Variants in AMPH observed in about 807,000 individuals in gnomAD.
The protein encoded by AMPH is amphiphysin, also known as amphiphysin (Stiff-Mann syndrome with breast cancer 128kD autoantigen).
In AMPH, 49 loss-of-function variants were observed where a neutral mutation model predicts 99.1. The ratio of observed to expected loss-of-function variants is 0.49; its 90% confidence interval spans 0.39 to 0.63. The LOEUF (loss-of-function observed/expected upper bound fraction) is 0.63, where lower values mean the gene tolerates loss of function less well. AMPH is among the 20% of genes least tolerant of loss of function. The pLI, the probability that AMPH is intolerant of heterozygous loss-of-function variation, is 0.00. For synonymous variants in AMPH, 314 were observed against 317.3 expected (o/e 0.99, Z 0.11); for missense variants, 759 against 863.4 (o/e 0.88, Z 1.52).
At chr7:38,397,392 A>G (rs1784701242) in intron 17 of AMPH, among the ~76,000 whole-genome samples, 2 of 152,194 alleles carry the variant, frequency 1.3e-5, no homozygotes, top group Admixed American at 6.5e-5. Context: ...ATATCTATCA[A>G]TTTGGTTGTA....
intron 11 of AMPH, among the ~76,000 whole-genome samples, chr7:38,444,717 G>T (rs1786690190): frequency 6.6e-6 from 1 of 151,780 alleles, no homozygotes; most frequent in Non-Finnish European, 1.5e-5. Context: ...TTTGTGGGGG[G>T]TTTTGTATTT....
intron 2 of AMPH, among the ~76,000 whole-genome samples, chr7:38,521,366 C>T (rs1163054391): frequency 6.6e-6 from 1 of 152,038 alleles, no homozygotes; most frequent in Admixed American, 6.5e-5. Flanking sequence ...ACCAAAAACA[C>T]AAAAATTAGT....
intron 5 of AMPH, among the ~76,000 whole-genome samples, chr7:38,478,262 G>C (rs1004114563): frequency 1.3e-5 from 2 of 152,090 alleles, no homozygotes; most frequent in African/African-American, 4.8e-5. Context: ...GCCACACTGA[G>C]AGAAACCCTC....
At position 38,402,788 on chromosome 7, in the gene AMPH, T is replaced by C. The variant is rs186168013; in HGVS notation, c.1399-8574A>G. ...TCAGGTATTATGCGTCAAGGATCCA[T>C]TTATACTTTGTTTTATGGAAAATTA... On this transcript the variant is annotated intron_variant, in intron 17 of 20. Transcript: ENST00000356264. Among the ~76,000 whole-genome samples the C allele has an allele frequency of 5.0e-3, 768 of 152,346 alleles. 6 individuals are homozygous for C. Among genetic ancestry groups the C allele is most frequent in the African/African-American group, 0.013 (524 of 41,588 alleles).
chr7:38,397,609 T>C (rs1784707597), intron 17 of AMPH, among the ~76,000 whole-genome samples: 1 of 152,180 alleles, frequency 6.6e-6, no homozygotes, highest in African/African-American at 2.4e-5. Context: ...TGGGTAAAGA[T>C]TTCTTGAGTA....
intron 17 of AMPH, among the ~76,000 whole-genome samples, chr7:38,406,463 G>A (rs944965213): frequency 1.3e-5 from 2 of 152,232 alleles, no homozygotes; most frequent in Non-Finnish European, 1.5e-5. Context: ...AAAATTTATA[G>A]ACTGCTATAA....
chr7:38,534,330 T>A (rs1477577928), intron 2 of AMPH, among the ~76,000 whole-genome samples: 1 of 152,144 alleles, frequency 6.6e-6, no homozygotes, highest in Middle Eastern at 3.2e-3. Context: ...TTCAATGAAA[T>A]ATAAATCTTC....
chr7:38,572,358 T>C (rs989718033), intron 1 of AMPH, among the ~76,000 whole-genome samples: 5 of 152,224 alleles, frequency 3.3e-5, no homozygotes, highest in African/African-American at 1.2e-4. Context: ...CAGGCTATGC[T>C]ATACAGCCCT....
intron 2 of AMPH, among the ~76,000 whole-genome samples, chr7:38,527,616 A>G (rs180757818): frequency 3.8e-4 from 58 of 152,250 alleles, no homozygotes; most frequent in Middle Eastern, 3.4e-3. Context: ...CACTGAACTC[A>G]TTTATCTGTT....
intron 1 of AMPH, among the ~76,000 whole-genome samples, chr7:38,596,816 G>T (rs1793075935): frequency 6.6e-6 from 1 of 152,064 alleles, no homozygotes; most frequent in Non-Finnish European, 1.5e-5. Flanking sequence ...TCAGGCCACT[G>T]CCAGCACCCT....
chr7:38,597,558 T>A (rs535727198), intron 1 of AMPH, among the ~76,000 whole-genome samples: 1 of 152,278 alleles, frequency 6.6e-6, no homozygotes, highest in South Asian at 2.1e-4. Flanking sequence ...CTGTATACAT[T>A]CCCCATGCTG....
At chr7:38,546,254 C>G (rs1477755122) in intron 1 of AMPH, among the ~76,000 whole-genome samples, 1 of 152,164 alleles carries the variant, frequency 6.6e-6, no homozygotes, top group African/African-American at 2.4e-5. Context: ...ATACTTCTCA[C>G]CAGCAGAACA....
chr7:38,409,701 G>A (rs1437671702), intron 17 of AMPH, among the ~76,000 whole-genome samples: 2 of 152,058 alleles, frequency 1.3e-5, no homozygotes, highest in Non-Finnish European at 2.9e-5. Context: ...TCAGCAGCCG[G>A]GTCCCAGAGC....
At chr7:38,593,946 G>A (rs537322958) in intron 1 of AMPH, among the ~76,000 whole-genome samples, 4 of 152,282 alleles carry the variant, frequency 2.6e-5, no homozygotes, top group East Asian at 1.9e-4. Flanking sequence ...AGGTGATGAG[G>A]GCCTGTAGGA....
At chr7:38,476,022 A>G (rs1385641730) in intron 6 of AMPH, among the ~76,000 whole-genome samples, 1 of 152,178 alleles carries the variant, frequency 6.6e-6, no homozygotes, top group Non-Finnish European at 1.5e-5. Flanking sequence ...TATTAAGGAA[A>G]GTTAATGTAG....
chr7:38,437,843 G>C lies in AMPH; in HGVS notation c.1018-1455C>G, dbSNP rs533711039. On this transcript the variant is annotated intron_variant, in intron 11 of 20. Transcript: ENST00000356264. ...AAAAATAAAAATAAAGAAAAGCGAGGTGGTATAACCTAAATACTTTCCTTA... is the reference window on the plus strand; with the variant it reads ...AAAAATAAAAATAAAGAAAAGCGAGCTGGTATAACCTAAATACTTTCCTTA... Among the ~76,000 whole-genome samples, 3 of 152,010 alleles carry C rather than the reference G, an allele frequency of 2.0e-5. No individual in the cohort carries two copies. In the South Asian group the frequency reaches 6.2e-4, roughly 32 times the overall value.
chr7:38,607,970 T>C (rs1793492608), intron 1 of AMPH, among the ~76,000 whole-genome samples: 2 of 152,176 alleles, frequency 1.3e-5, no homozygotes, highest in Non-Finnish European at 2.9e-5. Flanking sequence ...ATTTGTCACA[T>C]TGATTTTATT....
At chr7:38,608,829 A>T (rs918857052) in intron 1 of AMPH, among the ~76,000 whole-genome samples, 1 of 152,170 alleles carries the variant, frequency 6.6e-6, no homozygotes, top group Non-Finnish European at 1.5e-5. Flanking sequence ...CAACCTGTCC[A>T]TTTCCCCTAG....
intron 1 of AMPH, among the ~76,000 whole-genome samples, chr7:38,608,891 T>A (rs1004084280): frequency 6.6e-6 from 1 of 152,194 alleles, no homozygotes; most frequent in Non-Finnish European, 1.5e-5. Context: ...AAAGGAGATA[T>A]GAGAGTTCTA....
Sources: gnomAD v4.1 joint callset for allele counts (sites outside exome capture counted in the v4.1 genomes callset) on GRCh38, gnomAD v4.1.1 for gene constraint, MANE v1.5 for transcripts, NCBI Gene and HGNC (gene_info 2026-07-23, HGNC 2026-07-21) for gene names.